The following SLC25A26 variants were observed in gnomAD, a reference collection of about 807,000 sequenced individuals.
SLC25A26 encodes the protein mitochondrial S-adenosylmethionine carrier protein.
In SLC25A26, 36 loss-of-function variants were observed where a neutral mutation model predicts 37.8. The observed-to-expected ratio is 0.95, with a 90% confidence interval of 0.73 to 1.26. The LOEUF is 1.26. Ranked by LOEUF, SLC25A26 falls within the 50% of genes most tolerant of loss-of-function variation. SLC25A26 has a pLI of 0.00. For synonymous variants in SLC25A26, 129 were observed against 122.5 expected, an observed-to-expected ratio of 1.05 and a Z score of -0.35; for missense variants, 390 against 331.1, an observed-to-expected ratio of 1.18 and a Z score of -1.38.
intron 1 of SLC25A26, among the ~76,000 whole-genome samples, chr3:66,193,750 C>T (rs2106796480): frequency 6.6e-6 from 1 of 152,130 alleles, no homozygotes; most frequent in East Asian, 1.9e-4. Flanking sequence ...AAAACACAGT[C>T]ATTGAAAAGA....
At position 66,241,165 on chromosome 3, in the gene SLC25A26, G is replaced by A. The variant is rs1417004827; in HGVS notation, c.191-2038G>A. On this transcript the variant is annotated intron_variant, in intron 2 of 9. Transcript: ENST00000354883. ...TTTATTGAAAAAAAGCCATGTGTAA[G>A]TGGACCTGTGCGTTTAAACCCGTGT... is the stretch of plus-strand genomic sequence containing the variant. Among the ~76,000 whole-genome samples, 4 of 152,064 alleles carry A rather than the reference G, an allele frequency of 2.6e-5. No homozygotes were observed. In the East Asian group the frequency reaches 5.8e-4, roughly 22 times the overall value.
chr3:66,186,364 T>G lies in SLC25A26; in HGVS notation c.-353-34378T>G, dbSNP rs1379741014. ...ACTTGTTCCTGACCATTATCTTCCCTTTCTCCATTGACCTTAAATGAAATC... is the reference window on the plus strand; with the variant it reads ...ACTTGTTCCTGACCATTATCTTCCCGTTCTCCATTGACCTTAAATGAAATC... On this transcript the variant is annotated intron_variant, in intron 1 of 10. Coordinates refer to the SLC25A26 transcript ENST00000676754. Among the ~76,000 whole-genome samples the G allele has an allele frequency of 3.3e-5, 5 of 151,932 alleles. No individual in the cohort carries two copies. In the South Asian group the frequency reaches 8.3e-4, roughly 25 times the overall value.
At chr3:66,327,955 A>C (rs992005786) in intron 5 of SLC25A26, among the ~76,000 whole-genome samples, 1 of 152,030 alleles carries the variant, frequency 6.6e-6, no homozygotes, top group Non-Finnish European at 1.5e-5. Context: ...GAATTGGAAA[A>C]TTTGTAACCA....
intron 3 of SLC25A26, among the ~76,000 whole-genome samples, chr3:66,253,336 G>A (rs2073168299): frequency 6.6e-6 from 1 of 151,578 alleles, no homozygotes; most frequent in South Asian, 2.1e-4. Flanking sequence ...GGGTGAACTT[G>A]GGAGGTGGAG....
intron 5 of SLC25A26, among the ~76,000 whole-genome samples, chr3:66,281,309 C>T (rs1246094905): frequency 6.6e-6 from 1 of 152,122 alleles, no homozygotes; most frequent in Non-Finnish European, 1.5e-5. Flanking sequence ...ACTAAAGGTT[C>T]AATTATCCTT....
intron 6 of SLC25A26, among the ~76,000 whole-genome samples, chr3:66,358,431 G>A (rs368149854): frequency 6.6e-5 from 10 of 152,286 alleles, no homozygotes; most frequent in African/African-American, 2.4e-4. Flanking sequence ...CATTGACATA[G>A]TTTGTTCATT....
At chr3:66,348,044 G>T (rs138382546) in intron 6 of SLC25A26, among the ~76,000 whole-genome samples, 1 of 152,126 alleles carries the variant, frequency 6.6e-6, no homozygotes, top group Non-Finnish European at 1.5e-5. Flanking sequence ...CTTAGCTGAT[G>T]GGTTGATACA....
chr3:66,167,480 T>G (rs546900281), intron 1 of SLC25A26, among the ~76,000 whole-genome samples: 1 of 152,208 alleles, frequency 6.6e-6, no homozygotes, highest in African/African-American at 2.4e-5. Flanking sequence ...GCATCACACT[T>G]TATATAAGCC....
chr3:66,340,935 C>G (rs1457599925), intron 5 of SLC25A26, among the ~76,000 whole-genome samples: 1 of 151,278 alleles, frequency 6.6e-6, no homozygotes, highest in South Asian at 2.1e-4. Flanking sequence ...TTTAGAAATT[C>G]TGTTGGAGAG....
At chr3:66,376,633 TC>T (rs1266063216) in intron 9 of SLC25A26, among the ~76,000 whole-genome samples, 1 of 152,266 alleles carries the variant, frequency 6.6e-6, no homozygotes, top group African/African-American at 2.4e-5. Flanking sequence ...ACATAACTTT[TC>T]TGTGCCCTGG....
At chr3:66,212,047 AGAGT>A (rs1202611257) in intron 1 of SLC25A26, among the ~76,000 whole-genome samples, 2 of 152,220 alleles carry the variant, frequency 1.3e-5, no homozygotes, top group Non-Finnish European at 2.9e-5. Flanking sequence ...GTATTTTTAG[AGAGT>A]GAGTGAGTGA....
intron 1 of SLC25A26, among the ~76,000 whole-genome samples, chr3:66,182,588 TG>T (rs2070733650): frequency 6.6e-6 from 1 of 151,868 alleles, no homozygotes; most frequent in Non-Finnish European, 1.5e-5. Flanking sequence ...CCATAGAGTT[TG>T]AAAAGGCCAT....
intron 2 of SLC25A26, among the ~76,000 whole-genome samples, chr3:66,239,816 CTTTTTTTT>C (rs536690709): frequency 3.6e-5 from 4 of 110,172 alleles, no homozygotes; most frequent in Admixed American, 1.0e-4. Context: ...TCCTTTCTTT[CTTTTTTTT>C]TTTTTTTTTT....
In SLC25A26 at chr3:66,199,186, T is replaced by C. The variant is rs1048014695; in HGVS notation, c.-353-21556T>C. Among the ~76,000 whole-genome samples, 158 of 151,630 alleles carry C rather than the reference T, an allele frequency of 1.0e-3. 5 individuals are homozygous for C. Among genetic ancestry groups the C allele is most frequent in the African/African-American group, 3.5e-3 (145 of 41,172 alleles). ...CCTCTGACCATCACCCTGACTTTGA[T>C]CCTGATGCTGACTCTGACCCTGACA... is the stretch of plus-strand genomic sequence containing the variant. On this transcript the variant is annotated intron_variant, in intron 1 of 10. Transcript: ENST00000676754.
Position 66,239,807 on chromosome 3 carries a change from C to CCTTT in SLC25A26, c.190+3116_190+3119dup, listed in dbSNP as rs1375976793. On this transcript the variant is annotated intron_variant, in intron 2 of 9. Coordinates refer to ENST00000354883, the MANE Select transcript of SLC25A26 (RefSeq NM_001379210.1). ...GCTGCAGCGATGGGTTAATGAGTTT[C>CCTTT]CTTTCTTTCTTTTTTTTTTTTTTTT... Among the ~76,000 whole-genome samples the CCTTT allele has an allele frequency of 1.9e-4, 28 of 144,000 alleles. 1 individual carries two copies. The highest frequency in any genetic ancestry group is 4.9e-4 in the African/African-American group (19 of 38,886). 94.5% of individuals were successfully genotyped at this position (144,000 alleles called of 152,430 possible).
At chr3:66,255,181 G>A (rs1176811626) in intron 3 of SLC25A26, among the ~76,000 whole-genome samples, 1 of 152,130 alleles carries the variant, frequency 6.6e-6, no homozygotes, top group Admixed American at 6.5e-5. Context: ...GATCTCATAG[G>A]TGGCCTAGGC....
chr3:66,285,254 G>T (rs1210525714), intron 5 of SLC25A26, among the ~76,000 whole-genome samples: 1 of 151,950 alleles, frequency 6.6e-6, no homozygotes, highest in East Asian at 1.9e-4. Flanking sequence ...CTATCCACTT[G>T]TTAAACATTA....
rs1317248683 is a variant in SLC25A26, at chr3:66,150,605, T to G, written c.-354+16621T>G. On this transcript the variant is annotated intron_variant, in intron 1 of 10. Transcript: ENST00000676754. ...ATCATGATATATATATGTAATGAGA[T>G]ATATATATATATATATATATATATA... 0.022 allele frequency among the ~76,000 whole-genome samples: 23 copies of G among 1,064 alleles called. No homozygotes were observed. In the East Asian group the frequency reaches 0.22, roughly 10 times the overall value. 0.7% of individuals were successfully genotyped at this position (1,064 alleles called of 152,430 possible).
chr3:66,145,136 C>A (rs1399304024), intron 1 of SLC25A26, among the ~76,000 whole-genome samples: 1 of 152,078 alleles, frequency 6.6e-6, no homozygotes, highest in East Asian at 1.9e-4. Context: ...AAAAAAAAAT[C>A]TATATTTCCC....
Sources: allele counts gnomAD v4.1 joint callset (sites outside exome capture counted in the v4.1 genomes callset), GRCh38; gene constraint gnomAD v4.1.1; transcripts MANE v1.5; gene names NCBI Gene and HGNC (gene_info 2026-07-23, HGNC 2026-07-21).